OPCML: variants seen among roughly 807,000 people sequenced by gnomAD.
OPCML encodes opioid-binding protein/cell adhesion molecule.
A neutral mutation model predicts 37.8 loss-of-function variants in OPCML; 13 were observed. The observed-to-expected ratio is 0.34, with a 90% CI of 0.22 to 0.55. The LOEUF (loss-of-function observed/expected upper bound fraction) is 0.55, where lower values mean the gene tolerates loss of function less well. OPCML is among the 20% of genes least tolerant of loss of function. The pLI, the probability that OPCML is intolerant of heterozygous loss-of-function variation, is 0.91. For missense variants in OPCML, 341 were observed against 435.6 expected (o/e 0.78, Z 1.93); for synonymous variants, 176 against 168.8 (o/e 1.04, Z -0.33).
In OPCML at chr11:132,417,734, A is replaced by C. The variant is rs1218370996; in HGVS notation, c.*2459T>G. The C allele has an allele frequency of 6.6e-6, 1 of 152,232 alleles. No homozygotes were observed. Among genetic ancestry groups the C allele is most frequent in the Non-Finnish European group, 1.5e-5 (1 of 68,050 alleles). The allele number at this position is 152,232 out of a possible 1,614,324, so 9.4% of individuals were successfully genotyped here. A position where few individuals can be genotyped will look rare whatever the true frequency, so the allele number is the denominator to read the frequency against. ...TTATCATCAGTAGCATGCTCAGATG[A>C]CACATTTAATTCTCATACACTATCT... On this transcript the variant is annotated 3_prime_UTR_variant, in exon 8 of 8. Transcript: ENST00000524381.
intron 1 of OPCML, among the ~76,000 whole-genome samples, chr11:133,219,684 G>T (rs999104238): frequency 6.6e-6 from 1 of 152,120 alleles, no homozygotes; most frequent in Non-Finnish European, 1.5e-5. Flanking sequence ...TCACTTTGGG[G>T]ACCCTTGACA....
intron 2 of OPCML, among the ~76,000 whole-genome samples, chr11:132,761,395 G>T (rs891130665): frequency 6.6e-6 from 1 of 152,078 alleles, no homozygotes; most frequent in African/African-American, 2.4e-5. Context: ...ATATCACGAA[G>T]TGTGTTTTCC....
intron 1 of OPCML, among the ~76,000 whole-genome samples, chr11:132,963,442 A>G (rs1272416874): frequency 6.6e-6 from 1 of 151,968 alleles, no homozygotes; most frequent in Non-Finnish European, 1.5e-5. Flanking sequence ...AATACAAAAA[A>G]TTAGCCAGGT....
rs996715978 is a variant in OPCML, at chr11:133,261,067, A to C, written c.61+271197T>G. ...GTCCATCTGACTTCCTTGGCTTAAC[A>C]AAACAAGTGCTCAGAAACTATCTTC... is the stretch of plus-strand genomic sequence containing the variant. On this transcript the variant is annotated intron_variant, in intron 1 of 7. Transcript: ENST00000524381. Among the ~76,000 whole-genome samples, 6 of 152,204 alleles carry C rather than the reference A, an allele frequency of 3.9e-5. No individual in the cohort carries two copies. The East Asian group carries it at 1.2e-3, about 29-fold the overall frequency.
chr11:133,293,220 G>T (rs773368027), intron 1 of OPCML, among the ~76,000 whole-genome samples: 24 of 151,724 alleles, frequency 1.6e-4, no homozygotes, highest in Middle Eastern at 6.8e-3. Context: ...GACAGTCACG[G>T]CACCCCACGC....
intron 1 of OPCML, among the ~76,000 whole-genome samples, chr11:133,107,996 G>A (rs1949187270): frequency 6.6e-6 from 1 of 152,138 alleles, no homozygotes; most frequent in African/African-American, 2.4e-5. Context: ...CTATTGGTAT[G>A]CAGCACACAA....
chr11:132,818,328 A>G (rs1363586594), intron 2 of OPCML, among the ~76,000 whole-genome samples: 28 of 152,100 alleles, frequency 1.8e-4, no homozygotes, highest in African/African-American at 2.4e-5. Context: ...TACATCAACA[A>G]CACATTTAAA....
chr11:132,823,591 A>G (rs1365918598), intron 2 of OPCML, among the ~76,000 whole-genome samples: 2 of 151,666 alleles, frequency 1.3e-5, no homozygotes, highest in Non-Finnish European at 2.9e-5. Context: ...TATAAATAAA[A>G]CAAACAAACA....
chr11:133,030,025 C>T (rs968630307), intron 1 of OPCML, among the ~76,000 whole-genome samples: 5 of 152,100 alleles, frequency 3.3e-5, no homozygotes, highest in Non-Finnish European at 7.3e-5. Flanking sequence ...GAGCTGCTGG[C>T]CCACTGACCC....
chr11:132,585,085 C>A lies in OPCML; in HGVS notation c.380-55899G>T, dbSNP rs534835153. ...GTATGGAGACATCTTTAGGCCAAATCTAAATTATGTAAGGAGGCAGCTTTG... is the reference window on the plus strand; with the variant it reads ...GTATGGAGACATCTTTAGGCCAAATATAAATTATGTAAGGAGGCAGCTTTG... On this transcript the variant is annotated intron_variant, in intron 3 of 7. Coordinates refer to ENST00000524381, the MANE Select transcript of OPCML (RefSeq NM_001012393.5). Among the ~76,000 whole-genome samples, 3 of 152,210 alleles carry A rather than the reference C, an allele frequency of 2.0e-5. No individual in the cohort carries two copies. The East Asian group carries it at 5.8e-4, about 29-fold the overall frequency.
intron 1 of OPCML, chr11:133,420,479 T>C: frequency 1.0e-6 from 1 of 985,232 alleles, no homozygotes; most frequent in African/African-American, 1.7e-5. Context: ...TTCTTCTTCT[T>C]TAGGACTTTT....
At chr11:133,496,261 G>A (rs1947784880) in intron 1 of OPCML, among the ~76,000 whole-genome samples, 1 of 152,164 alleles carries the variant, frequency 6.6e-6, no homozygotes, top group Non-Finnish European at 1.5e-5. Context: ...TGGTCTATGT[G>A]CCTATTTTTA....
chr11:132,800,775 C>T (rs1055652316), intron 2 of OPCML, among the ~76,000 whole-genome samples: 3 of 151,950 alleles, frequency 2.0e-5, no homozygotes, highest in African/African-American at 7.3e-5. Context: ...ATGTATAATC[C>T]TTTTTTATAT....
intron 3 of OPCML, among the ~76,000 whole-genome samples, chr11:132,655,750 G>C (rs990570201): frequency 3.3e-5 from 5 of 152,144 alleles, no homozygotes; most frequent in Admixed American, 2.0e-4. Context: ...GGCTGCTTGC[G>C]CCAAAAGGAA....
intron 4 of OPCML, among the ~76,000 whole-genome samples, chr11:132,467,072 T>A (rs2096122341): frequency 6.6e-6 from 1 of 152,162 alleles, no homozygotes; most frequent in Non-Finnish European, 1.5e-5. Context: ...TGATGCAGTT[T>A]AAAGACTCCT....
At chr11:132,786,403 C>T (rs1006728567) in intron 2 of OPCML, among the ~76,000 whole-genome samples, 1 of 152,052 alleles carries the variant, frequency 6.6e-6, no homozygotes, top group African/African-American at 2.4e-5. Flanking sequence ...ATATCAATGC[C>T]GTAGATAACT....
intron 3 of OPCML, among the ~76,000 whole-genome samples, chr11:132,649,852 G>T (rs1031215654): frequency 6.6e-6 from 1 of 151,960 alleles, no homozygotes. Context: ...GTTCTGCTCT[G>T]CTTAGGAACT....
At chr11:133,408,407 T>C (rs1186936652) in intron 1 of OPCML, among the ~76,000 whole-genome samples, 1 of 152,248 alleles carries the variant, frequency 6.6e-6, no homozygotes, top group Non-Finnish European at 1.5e-5. Flanking sequence ...ATTAGAAAGA[T>C]GGCGGGCTTG....
chr11:132,611,292 G>T lies in OPCML; in HGVS notation c.379+45795C>A, dbSNP rs2575889. On this transcript the variant is annotated intron_variant, in intron 3 of 7. Transcript: ENST00000524381. ...AGAAATCTTTGCGTGCTGTAGCTCCGCTGGTCTCTACACCTGGAATGCACC... is the reference window on the plus strand; with the variant it reads ...AGAAATCTTTGCGTGCTGTAGCTCCTCTGGTCTCTACACCTGGAATGCACC... 2.0e-5 allele frequency among the ~76,000 whole-genome samples: 3 copies of T among 152,104 alleles called. No homozygotes were observed. The South Asian group carries it at 6.2e-4, about 32-fold the overall frequency.
Sources: gnomAD v4.1 joint callset for allele counts (sites outside exome capture counted in the v4.1 genomes callset) on GRCh38, gnomAD v4.1.1 for gene constraint, MANE v1.5 for transcripts, NCBI Gene and HGNC (gene_info 2026-07-23, HGNC 2026-07-21) for gene names.